MECOM: variants seen among roughly 807,000 people sequenced by gnomAD.
MECOM encodes the protein histone-lysine N-methyltransferase MECOM.
Under a neutral mutation model 116.3 loss-of-function variants are expected in MECOM, and 13 were observed. The observed-to-expected ratio is 0.11, with a 90% CI of 0.07 to 0.18. MECOM has a LOEUF of 0.18. Among genes scored for constraint, MECOM ranks in the 10% least tolerant of loss-of-function variants. MECOM has a pLI of 1.00. For synonymous variants in MECOM, 528 were observed against 535.2 expected (o/e 0.99, Z 0.19); for missense variants, 1,299 against 1,509.0 (o/e 0.86, Z 2.31).
At chr3:169,114,132 G>A (rs1377397879) in intron 8 of MECOM, among the ~76,000 whole-genome samples, 2 of 152,090 alleles carry the variant, frequency 1.3e-5, no homozygotes, top group Non-Finnish European at 2.9e-5. Flanking sequence ...TCATTGAGTT[G>A]GAAATACGAC....
At chr3:169,485,884 T>TATATA (rs1752103662) in intron 1 of MECOM, among the ~76,000 whole-genome samples, 2 of 110,210 alleles carry the variant, frequency 1.8e-5, no homozygotes, top group Non-Finnish European at 3.7e-5. Flanking sequence ...TGTATATATA[T>TATATA]GTATATATAG....
chr3:169,621,146 TTGTC>T (rs1770670097), intron 1 of MECOM, among the ~76,000 whole-genome samples: 1 of 152,208 alleles, frequency 6.6e-6, no homozygotes, highest in Admixed American at 6.5e-5. Context: ...CAGATAAAAA[TTGTC>T]TGGTATATCA....
At chr3:169,245,013 T>C (rs930153150) in intron 2 of MECOM, among the ~76,000 whole-genome samples, 3 of 152,056 alleles carry the variant, frequency 2.0e-5, no homozygotes, top group African/African-American at 7.3e-5. Flanking sequence ...AAAATAGATA[T>C]AGTAACCAGG....
chr3:169,637,156 T>G lies in MECOM; in HGVS notation c.37+26180A>C, dbSNP rs777547261. On this transcript the variant is annotated intron_variant, in intron 1 of 16. Transcript: ENST00000651503. ...TAGAAGCCATATGCAAACATTGATG[T>G]CCTCAAGAACCTCAACTGAACTCTG... Among the ~76,000 whole-genome samples the G allele has an allele frequency of 3.3e-4, 50 of 152,246 alleles. 1 individual carries two copies. In the Middle Eastern group the frequency reaches 0.014, roughly 41 times the overall value.
At chr3:169,149,077 C>CTTTT (rs60870748) in intron 2 of MECOM, among the ~76,000 whole-genome samples, 2,053 of 114,794 alleles carry the variant, frequency 0.018, 41 homozygotes, top group African/African-American at 0.058. Context: ...TCGGAGCTTT[C>CTTTT]TTTTTTTTTT....
intron 1 of MECOM, among the ~76,000 whole-genome samples, chr3:169,519,989 G>T (rs1482989782): frequency 1.3e-5 from 2 of 152,232 alleles, no homozygotes; most frequent in African/African-American, 4.8e-5. Flanking sequence ...TTCAAGGTTA[G>T]GCACACGACC....
Position 169,524,053 on chromosome 3 carries a change from TA to T in MECOM, c.37+139282del, listed in dbSNP as rs1366351365. On this transcript the variant is annotated intron_variant, in intron 1 of 16. Transcript: ENST00000651503. ...GTATATGAATAAATATATATATATA[TA>T]TATATATATATTTGCTGTTTATTTT... is the stretch of plus-strand genomic sequence containing the variant. Among the ~76,000 whole-genome samples the T allele has an allele frequency of 2.0e-5, 3 of 147,160 alleles. No individual in the cohort carries two copies. The East Asian group carries it at 5.9e-4, about 29-fold the overall frequency.
chr3:169,580,468 A>T (rs1765004850), intron 1 of MECOM, among the ~76,000 whole-genome samples: 1 of 152,180 alleles, frequency 6.6e-6, no homozygotes, highest in Non-Finnish European at 1.5e-5. Flanking sequence ...CAAATATCTA[A>T]AACTAAATGA....
At chr3:169,499,054 TTAAA>T (rs1330846936) in intron 1 of MECOM, among the ~76,000 whole-genome samples, 4 of 151,768 alleles carry the variant, frequency 2.6e-5, no homozygotes, top group African/African-American at 9.7e-5. Flanking sequence ...ATAAAGATAT[TTAAA>T]TAAATCAGAG....
chr3:169,356,023 T>G (rs1269118712), intron 2 of MECOM, among the ~76,000 whole-genome samples: 1 of 151,844 alleles, frequency 6.6e-6, no homozygotes, highest in Non-Finnish European at 1.5e-5. Flanking sequence ...AAATTCACAG[T>G]TTCATTTTCC....
chr3:169,411,310 C>T (rs1737518274), intron 1 of MECOM, among the ~76,000 whole-genome samples: 1 of 152,134 alleles, frequency 6.6e-6, no homozygotes, highest in Admixed American at 6.5e-5. Flanking sequence ...AAAGATATTG[C>T]TCTCTAAAGA....
intron 1 of MECOM, among the ~76,000 whole-genome samples, chr3:169,594,704 C>G (rs1766920585): frequency 6.6e-6 from 1 of 151,634 alleles, no homozygotes. Context: ...CATCTGCAGG[C>G]ATTTCACACA....
intron 2 of MECOM, among the ~76,000 whole-genome samples, chr3:169,294,191 C>G (rs1398296193): frequency 6.6e-6 from 1 of 151,918 alleles, no homozygotes; most frequent in Non-Finnish European, 1.5e-5. Context: ...TTTAACCTTC[C>G]AGGATCTTGG....
At chr3:169,309,414 T>C in intron 2 of MECOM, among the ~76,000 whole-genome samples, 1 of 152,230 alleles carries the variant, frequency 6.6e-6, no homozygotes, top group East Asian at 1.9e-4. Flanking sequence ...AGGCATAAAC[T>C]TCTGATATCA....
chr3:169,329,778 G>A (rs373399196), intron 2 of MECOM, among the ~76,000 whole-genome samples: 3 of 152,172 alleles, frequency 2.0e-5, no homozygotes, highest in East Asian at 1.9e-4. Context: ...CTGTTAAAGC[G>A]CTGCTGCCCA....
chr3:169,492,208 T>C (rs891380275), intron 1 of MECOM, among the ~76,000 whole-genome samples: 2 of 152,184 alleles, frequency 1.3e-5, no homozygotes, highest in South Asian at 2.1e-4. Flanking sequence ...TTAGATATTA[T>C]AGCAAGTAGG....
intron 1 of MECOM, among the ~76,000 whole-genome samples, chr3:169,404,845 A>G (rs1041659917): frequency 4.6e-5 from 7 of 152,216 alleles, no homozygotes; most frequent in African/African-American, 1.7e-4. Flanking sequence ...AGCCCCCAGA[A>G]GAAGCACAGA....
intron 2 of MECOM, among the ~76,000 whole-genome samples, chr3:169,240,779 T>C: frequency 6.6e-6 from 1 of 152,210 alleles, no homozygotes; most frequent in East Asian, 1.9e-4. Context: ...AGGAGTCAGA[T>C]ACTAATTATG....
chr3:169,111,877 A>G (rs1727520947), intron 9 of MECOM, among the ~76,000 whole-genome samples: 1 of 152,028 alleles, frequency 6.6e-6, no homozygotes, highest in Admixed American at 6.5e-5. Flanking sequence ...ATAGCTTTCC[A>G]TAAGACAGCT....
Sources: gnomAD v4.1 joint callset for allele counts (sites outside exome capture counted in the v4.1 genomes callset) on GRCh38, gnomAD v4.1.1 for gene constraint, MANE v1.5 for transcripts, NCBI Gene and HGNC (gene_info 2026-07-23, HGNC 2026-07-21) for gene names.